CHRM3: variants seen among roughly 807,000 people sequenced by gnomAD.
CHRM3 encodes the protein cholinergic receptor muscarinic 3, also known as muscarinic acetylcholine receptor M3.
CHRM3 carries 11 observed loss-of-function variants against 41.8 expected under a neutral mutation model. The observed-to-expected ratio is 0.26, with a 90% CI of 0.17 to 0.44. CHRM3 has a LOEUF of 0.44. Ranked by LOEUF, CHRM3 falls within the 20% of genes least tolerant of loss-of-function variation. CHRM3 has a pLI of 1.00. For missense variants in CHRM3, 571 were observed against 745.4 expected, an observed-to-expected ratio of 0.77 and a Z score of 2.72; for synonymous variants, 297 against 301.4, an observed-to-expected ratio of 0.99 and a Z score of 0.15.
chr1:239,551,289 A>G (rs1659800811), intron 3 of CHRM3, among the ~76,000 whole-genome samples: 1 of 151,186 alleles, frequency 6.6e-6, no homozygotes, highest in South Asian at 2.1e-4. Context: ...CAGCCTCCCA[A>G]GTAGCTGGGA....
At chr1:239,697,181 G>A (rs934418751) in intron 5 of CHRM3, among the ~76,000 whole-genome samples, 3 of 152,132 alleles carry the variant, frequency 2.0e-5, no homozygotes, top group Admixed American at 6.5e-5. Flanking sequence ...GAATTCCCAC[G>A]TGTTGTGGGA....
At chr1:239,654,119 G>T (rs1441729621) in intron 4 of CHRM3, among the ~76,000 whole-genome samples, 2 of 151,880 alleles carry the variant, frequency 1.3e-5, no homozygotes, top group African/African-American at 4.8e-5. Flanking sequence ...GAGCCACCAC[G>T]CCTGGCTAAT....
At chr1:239,730,584 T>C (rs897045577) in intron 5 of CHRM3, 2 of 151,824 alleles carry the variant, frequency 1.3e-5, no homozygotes, top group African/African-American at 4.8e-5. Flanking sequence ...GGCATTCTTG[T>C]AGAGGGAACA....
At chr1:239,528,010 A>T (rs945707078) in intron 2 of CHRM3, among the ~76,000 whole-genome samples, 1 of 152,192 alleles carries the variant, frequency 6.6e-6, no homozygotes, top group Non-Finnish European at 1.5e-5. Flanking sequence ...ACAGAATGGA[A>T]ACGTGTGGGC....
intron 2 of CHRM3, among the ~76,000 whole-genome samples, chr1:239,539,097 T>A (rs931092206): frequency 2.0e-5 from 3 of 152,210 alleles, no homozygotes; most frequent in Non-Finnish European, 4.4e-5. Flanking sequence ...CTTTGTCAGA[T>A]GTAAAACTCT....
chr1:239,710,625 T>C (rs1316122286), intron 5 of CHRM3, among the ~76,000 whole-genome samples: 2 of 152,128 alleles, frequency 1.3e-5, no homozygotes, highest in Non-Finnish European at 2.9e-5. Context: ...CTGACTATTA[T>C]TTAGTCATTT....
chr1:239,820,827 A>G (rs1304167252), intron 5 of CHRM3, among the ~76,000 whole-genome samples: 1 of 152,212 alleles, frequency 6.6e-6, no homozygotes, highest in Non-Finnish European at 1.5e-5. Flanking sequence ...ATATGAATGT[A>G]TCAGATTACC....
At chr1:239,658,479 A>G (rs1309791706) in intron 4 of CHRM3, among the ~76,000 whole-genome samples, 1 of 152,208 alleles carries the variant, frequency 6.6e-6, no homozygotes, top group Admixed American at 6.5e-5. Flanking sequence ...ATGCAAGATA[A>G]CATTTTTCAA....
chr1:239,556,342 T>A (rs553892132), intron 3 of CHRM3, among the ~76,000 whole-genome samples: 94 of 152,280 alleles, frequency 6.2e-4, no homozygotes, highest in African/African-American at 2.2e-3. Flanking sequence ...TTAGCTTTTT[T>A]AAAAAATATA....
intron 5 of CHRM3, among the ~76,000 whole-genome samples, chr1:239,769,813 A>C (rs188340240): frequency 1.3e-5 from 2 of 152,104 alleles, no homozygotes; most frequent in Non-Finnish European, 2.9e-5. Flanking sequence ...CCCAGGAGGC[A>C]GAGGTTGCAG....
chr1:239,836,862 C>A (rs1261694665), intron 6 of CHRM3, among the ~76,000 whole-genome samples: 1 of 151,822 alleles, frequency 6.6e-6, no homozygotes, highest in Non-Finnish European at 1.5e-5. Flanking sequence ...GTAATCCCAG[C>A]TACTTGGGAG....
At chr1:239,526,934 A>G (rs1670034344) in intron 2 of CHRM3, among the ~76,000 whole-genome samples, 2 of 152,136 alleles carry the variant, frequency 1.3e-5, no homozygotes. Context: ...CAGTCTGAGC[A>G]ATATAGGGAG....
At chr1:239,667,629 G>A (rs947430076) in intron 4 of CHRM3, among the ~76,000 whole-genome samples, 7 of 152,192 alleles carry the variant, frequency 4.6e-5, no homozygotes, top group African/African-American at 1.7e-4. Context: ...TCTCAGAGAA[G>A]CACCTCTTCA....
At chr1:239,466,297 T>C (rs1025723702) in intron 1 of CHRM3, among the ~76,000 whole-genome samples, 2 of 152,096 alleles carry the variant, frequency 1.3e-5, no homozygotes, top group African/African-American at 4.8e-5. Flanking sequence ...GCCTGGCCCA[T>C]TTCAATTTAA....
chr1:239,841,992 T>G (rs1000635924), intron 6 of CHRM3, among the ~76,000 whole-genome samples: 2 of 152,128 alleles, frequency 1.3e-5, no homozygotes, highest in Non-Finnish European at 2.9e-5. Context: ...TATCAAAATC[T>G]CAGGCCTGAA....
intron 6 of CHRM3, among the ~76,000 whole-genome samples, chr1:239,859,419 GTTTT>G (rs36006673): frequency 1.8e-4 from 18 of 97,482 alleles, no homozygotes; most frequent in African/African-American, 3.7e-4. Context: ...TGTTGTTGTT[GTTTT>G]TTTTTTTTGT....
intron 5 of CHRM3, among the ~76,000 whole-genome samples, chr1:239,772,769 G>A (rs900716623): frequency 2.0e-5 from 3 of 152,052 alleles, no homozygotes; most frequent in African/African-American, 7.2e-5. Flanking sequence ...CTTTTGCCCT[G>A]CTTTTCCTTC....
chr1:239,734,290 C>G (rs1004759494), intron 5 of CHRM3, among the ~76,000 whole-genome samples: 3 of 152,044 alleles, frequency 2.0e-5, no homozygotes, highest in Non-Finnish European at 4.4e-5. Flanking sequence ...ACTTAAGAAT[C>G]CAGAGACTGC....
chr1:239,720,300 G>A (rs1311808620), intron 5 of CHRM3: 1 of 151,882 alleles, frequency 6.6e-6, no homozygotes, highest in Non-Finnish European at 1.5e-5. Flanking sequence ...AAAAAACTTT[G>A]CCCTAGTTTC....
Sources: gnomAD v4.1 joint callset for allele counts (sites outside exome capture counted in the v4.1 genomes callset) on GRCh38, gnomAD v4.1.1 for gene constraint, MANE v1.5 for transcripts, NCBI Gene and HGNC (gene_info 2026-07-23, HGNC 2026-07-21) for gene names.